TRIM66: variants seen among roughly 807,000 people sequenced by gnomAD.
The protein encoded by TRIM66 is tripartite motif containing 66.
TRIM66 carries 99 observed loss-of-function variants against 148.2 expected under a neutral mutation model. The observed-to-expected ratio is 0.67, with a 90% confidence interval of 0.57 to 0.79. TRIM66 has a LOEUF of 0.79. Ranked by LOEUF, TRIM66 falls within the 30% of genes least tolerant of loss-of-function variation. TRIM66 has a pLI of 0.00. For synonymous variants in TRIM66, 616 were observed against 635.9 expected, an observed-to-expected ratio of 0.97 and a Z score of 0.47; for missense variants, 1,666 against 1,697.9, an observed-to-expected ratio of 0.98 and a Z score of 0.33.
chr11:8,625,463 T>TTG lies in TRIM66; in HGVS notation c.2311-237_2311-236dup, dbSNP rs147088164. Among the ~76,000 whole-genome samples the TTG allele has an allele frequency of 4.8e-3, 717 of 148,236 alleles. 4 individuals carry two copies. Among genetic ancestry groups the TTG allele is most frequent in the African/African-American group, 0.016 (626 of 40,064 alleles). On this transcript the variant is annotated intron_variant, in intron 15 of 24. Transcript: ENST00000646038. Reference sequence around the variant, plus strand: ...AGAGAGAGGCACAAGCGGAGAACTATTGTGTGTGTGTGTGTGTGTGTGTGT... The same window carrying TTG: ...AGAGAGAGGCACAAGCGGAGAACTATTGTGTGTGTGTGTGTGTGTGTGTGTGT...
chr11:8,653,455 G>A (rs2037536664), intron 6 of TRIM66, among the ~76,000 whole-genome samples: 1 of 152,154 alleles, frequency 6.6e-6, no homozygotes, highest in African/African-American at 2.4e-5. Context: ...GCTGGAAGAT[G>A]AGAGATCATG....
intron 8 of TRIM66, 150 bp from the exon 9 acceptor site, chr11:8,648,698 G>T: frequency 1.0e-6 from 1 of 996,980 alleles, no homozygotes. Context: ...GACTCTCCAG[G>T]GGCACAAGGA....
intron 7 of TRIM66, among the ~76,000 whole-genome samples, chr11:8,650,412 AAGG>A (rs1325880425): frequency 6.7e-6 from 1 of 150,204 alleles, no homozygotes; most frequent in East Asian, 2.0e-4. Flanking sequence ...AAGGAAGAAG[AAGG>A]AGGAGGAGGA....
At chr11:8,642,104 T>C (rs1403482091) in intron 13 of TRIM66, among the ~76,000 whole-genome samples, 2 of 152,158 alleles carry the variant, frequency 1.3e-5, no homozygotes, top group African/African-American at 4.8e-5. Flanking sequence ...CTGAGGCCTC[T>C]AGGTCCCTTG....
At chr11:8,666,978 G>A (rs1228044113) in intron 6 of TRIM66, among the ~76,000 whole-genome samples, 2 of 151,936 alleles carry the variant, frequency 1.3e-5, no homozygotes, top group African/African-American at 2.4e-5. Flanking sequence ...CAACACACCC[G>A]GCAACTTTTT....
chr11:8,629,402 G>A (rs1159006824), intron 15 of TRIM66, among the ~76,000 whole-genome samples: 1 of 152,154 alleles, frequency 6.6e-6, no homozygotes, highest in Admixed American at 6.5e-5. Context: ...TTATATAGAT[G>A]TCTCTTCTTA....
intron 6 of TRIM66, among the ~76,000 whole-genome samples, chr11:8,654,793 A>C (rs2037668310): frequency 1.3e-5 from 2 of 152,224 alleles, no homozygotes; most frequent in African/African-American, 4.8e-5. Flanking sequence ...TGTTTTGCTT[A>C]AAATCACAGT....
At chr11:8,675,471 C>T (rs2039133533) in intron 3 of TRIM66, among the ~76,000 whole-genome samples, 3 of 152,202 alleles carry the variant, frequency 2.0e-5, no homozygotes. Flanking sequence ...AAACCTCCAC[C>T]TCCCAGGTTC....
chr11:8,682,625 C>T lies in TRIM66; in HGVS notation c.-572G>A, dbSNP rs541499851. 1 of 669,572 alleles carries T rather than the reference C, an allele frequency of 1.5e-6. No individual in the cohort carries two copies. The highest frequency in any genetic ancestry group is 2.7e-5 in the East Asian group (1 of 36,934). 41.5% of individuals were successfully genotyped at this position (669,572 alleles called of 1,614,324 possible). ...CCGAAACCGTACACCGCCACCAGGACACTCCGTGATGGGGGATCACCACCC... is the reference window on the plus strand; with the variant it reads ...CCGAAACCGTACACCGCCACCAGGATACTCCGTGATGGGGGATCACCACCC... On this transcript the variant is annotated 5_prime_UTR_variant, in exon 1 of 25. Transcript: ENST00000646038.
At chr11:8,641,760 A>G (rs2036412766) in intron 13 of TRIM66, among the ~76,000 whole-genome samples, 1 of 152,056 alleles carries the variant, frequency 6.6e-6, no homozygotes, top group Non-Finnish European at 1.5e-5. Context: ...CGGATCCCTC[A>G]TGAGTGGTTT....
rs546410588 is a variant in TRIM66 at position 8,655,938 on chromosome 11, T to G, written c.341-4035A>C. On this transcript the variant is annotated intron_variant, in intron 6 of 24. Coordinates refer to ENST00000646038, the MANE Select transcript of TRIM66 (RefSeq NM_001388022.1). ...GAAAGGAATCCTGGATTTAAGAGAT[T>G]AGCCCTCTAAGAGGGGCTGTGCAGC... 7.9e-5 allele frequency among the ~76,000 whole-genome samples: 12 copies of G among 152,330 alleles called. No individual in the cohort carries two copies. The South Asian group carries it at 2.5e-3, about 32-fold the overall frequency.
intron 6 of TRIM66, among the ~76,000 whole-genome samples, chr11:8,662,221 A>G (rs533035606): frequency 6.6e-6 from 1 of 152,274 alleles, no homozygotes; most frequent in Admixed American, 6.5e-5. Context: ...ACCTGGAATG[A>G]GCAAAGAGTA....
At chr11:8,639,223 C>T (rs975097102) in intron 14 of TRIM66, among the ~76,000 whole-genome samples, 2 of 152,050 alleles carry the variant, frequency 1.3e-5, no homozygotes, top group Non-Finnish European at 2.9e-5. Flanking sequence ...AGTACTGAAG[C>T]GTAAATGTGA....
intron 3 of TRIM66, chr11:8,678,039 A>T (rs1449254182): frequency 6.6e-6 from 1 of 152,226 alleles, no homozygotes; most frequent in Non-Finnish European, 1.5e-5. Flanking sequence ...TTAAAATGAA[A>T]CTGGAAACTG....
At chr11:8,648,166 G>C in intron 9 of TRIM66, 80 bp from the exon 10 acceptor site, 2 of 1,311,442 alleles carry the variant, frequency 1.5e-6, no homozygotes, top group Non-Finnish European at 2.1e-6. Context: ...ATCTCCACAG[G>C]GAACTGTCTC....
At position 8,619,515 on chromosome 11, in the gene TRIM66, A is replaced by G; in HGVS notation, c.3768T>C (p.Ile1256=). ...VSPLARHYYQ[I]IKRPMDLSII... ...TTGACAGGTCCATGGGCCTCTTGAT[A>G]ATCTGGTAATAATGCCGGGCCTTGG... The change falls in exon 23 of 25, where the codon ATT becomes ATC. Residue 1256 remains isoleucine, a synonymous_variant. Transcript: ENST00000646038. The G allele has an allele frequency of 1.9e-6, 3 of 1,546,938 alleles. No individual in the cohort carries two copies. Among genetic ancestry groups the G allele is most frequent in the South Asian group, 2.4e-5 (2 of 82,976 alleles).
chr11:8,636,288 A>G (rs970797958), intron 15 of TRIM66, among the ~76,000 whole-genome samples: 5 of 151,968 alleles, frequency 3.3e-5, no homozygotes, highest in Non-Finnish European at 5.9e-5. Flanking sequence ...TGCCTTTGAA[A>G]AATCCCAGCC....
At chr11:8,619,027 G>A in intron 23 of TRIM66, 59 bp from the exon 24 acceptor site, 1 of 1,458,912 alleles carries the variant, frequency 6.9e-7, no homozygotes. Context: ...ATCTCTTTCG[G>A]GTCCCTCAAG....
chr11:8,674,458 C>T (rs1231662258), intron 4 of TRIM66, among the ~76,000 whole-genome samples: 6 of 152,188 alleles, frequency 3.9e-5, no homozygotes, highest in Admixed American at 3.9e-4. Flanking sequence ...AAGTTCACTG[C>T]AGCCTCAAAC....
Sources: allele counts gnomAD v4.1 joint callset (sites outside exome capture counted in the v4.1 genomes callset), GRCh38; gene constraint gnomAD v4.1.1; transcripts MANE v1.5; gene names NCBI Gene and HGNC (gene_info 2026-07-23, HGNC 2026-07-21).